KCNT2: variants seen among roughly 807,000 people sequenced by gnomAD.
The protein encoded by KCNT2 is potassium sodium-activated channel subfamily T member 2, also known as potassium channel subfamily T member 2.
Under a neutral mutation model 153.8 loss-of-function variants are expected in KCNT2, and 67 were observed. The observed-to-expected ratio is 0.44, with a 90% CI of 0.36 to 0.53. The LOEUF (loss-of-function observed/expected upper bound fraction) is 0.53, where lower values mean the gene tolerates loss of function less well. Ranked by LOEUF, KCNT2 falls within the 20% of genes least tolerant of loss-of-function variation. KCNT2 has a pLI of 0.00. For missense variants in KCNT2, 975 were observed against 1,354.8 expected (o/e 0.72, Z 4.40); for synonymous variants, 500 against 458.8 (o/e 1.09, Z -1.15).
rs749770012 is a variant in KCNT2 at position 196,340,379 on chromosome 1, G to A, written c.1745C>T (p.Pro582Leu). Reference protein sequence around the residue: ...SNVSRSFYHGPSRLPVHSIIA... With the variant: ...SNVSRSFYHGLSRLPVHSIIA... ...TATGCTATGTACAGGTAATCTGGAA[G>A]GTCCATGATAAAACGACCTGGACAC... is the stretch of plus-strand genomic sequence containing the variant. Residue 582 changes from proline to leucine, a missense_variant, in exon 16 of 28, where the codon CCT (proline) becomes CTT (leucine). Physicochemically the swap from Pro to Leu is moderately conservative, Grantham distance 98 (BLOSUM62 -3). Around this residue, in one of 6 missense-constraint regions of KCNT2, gnomAD observed 325 missense variants for 388.1 expected, o/e 0.84. Coordinates refer to ENST00000294725, the MANE Select transcript of KCNT2 (RefSeq NM_198503.5). The A allele has an allele frequency of 8.1e-6, 13 of 1,610,718 alleles. No individual in the cohort carries two copies. In the South Asian group the frequency reaches 1.1e-4, roughly 14 times the overall value.
At chr1:196,515,675 C>T (rs1252626206) in intron 1 of KCNT2, among the ~76,000 whole-genome samples, 1 of 152,130 alleles carries the variant, frequency 6.6e-6, no homozygotes, top group East Asian at 1.9e-4. Context: ...TACTGTGTGC[C>T]ACTCTTATGG....
intron 18 of KCNT2, 97 bp downstream of exon 18, chr1:196,331,059 T>C (rs1348824897): frequency 2.7e-6 from 2 of 729,768 alleles, no homozygotes; most frequent in Non-Finnish European, 4.9e-6. Context: ...CCCTTAAACA[T>C]ATTGTAATCA....
chr1:196,360,643 A>C (rs1210845776), intron 14 of KCNT2, among the ~76,000 whole-genome samples: 1 of 151,260 alleles, frequency 6.6e-6, no homozygotes, highest in Non-Finnish European at 1.5e-5. Context: ...GAAGAAGAGG[A>C]AATTTGAACA....
intron 14 of KCNT2, among the ~76,000 whole-genome samples, chr1:196,343,945 A>T (rs532768821): frequency 2.6e-4 from 39 of 152,156 alleles, no homozygotes; most frequent in Middle Eastern, 3.4e-3. Context: ...ATGCCCAGCT[A>T]ATTTTTGTAT....
At chr1:196,475,063 C>G (rs532851954) in intron 5 of KCNT2, among the ~76,000 whole-genome samples, 3 of 152,162 alleles carry the variant, frequency 2.0e-5, no homozygotes, top group Admixed American at 6.5e-5. Flanking sequence ...TTTAGAATGT[C>G]TAATTTCAAG....
intron 22 of KCNT2, among the ~76,000 whole-genome samples, chr1:196,292,763 G>T (rs1660308469): frequency 7.2e-6 from 1 of 138,538 alleles, no homozygotes; most frequent in Non-Finnish European, 1.5e-5. Context: ...AGCGAGTGGA[G>T]ATTGCGCCAC....
At chr1:196,555,197 T>C (rs1658479961) in intron 1 of KCNT2, among the ~76,000 whole-genome samples, 2 of 151,252 alleles carry the variant, frequency 1.3e-5, no homozygotes, top group Admixed American at 1.3e-4. Flanking sequence ...AGAAATCACA[T>C]TATCCTTATT....
intron 1 of KCNT2, among the ~76,000 whole-genome samples, chr1:196,499,481 A>T (rs1458863341): frequency 2.0e-5 from 3 of 152,240 alleles, no homozygotes; most frequent in Non-Finnish European, 4.4e-5. Flanking sequence ...AAAGATTAAG[A>T]GATAAATTCC....
At chr1:196,560,118 C>G (rs933608583) in intron 1 of KCNT2, among the ~76,000 whole-genome samples, 8 of 151,718 alleles carry the variant, frequency 5.3e-5, no homozygotes, top group East Asian at 3.9e-4. Context: ...TGCTTTGCAT[C>G]CAGAGGAACT....
intron 12 of KCNT2, among the ~76,000 whole-genome samples, chr1:196,420,803 G>A (rs923773404): frequency 3.3e-5 from 5 of 151,900 alleles, no homozygotes; most frequent in African/African-American, 1.2e-4. Context: ...CTTAATTTTA[G>A]CATGGTGCCT....
chr1:196,283,852 T>A (rs892082710), intron 23 of KCNT2, among the ~76,000 whole-genome samples: 7 of 152,080 alleles, frequency 4.6e-5, no homozygotes, highest in Non-Finnish European at 1.0e-4. Flanking sequence ...GTTAATATTT[T>A]GTTTCAGTTA....
intron 13 of KCNT2, among the ~76,000 whole-genome samples, chr1:196,378,128 G>C (rs1023535158): frequency 6.6e-6 from 1 of 152,104 alleles, no homozygotes; most frequent in Non-Finnish European, 1.5e-5. Flanking sequence ...GAATTACTCC[G>C]TAAAGAGAAG....
intron 1 of KCNT2, among the ~76,000 whole-genome samples, chr1:196,533,795 C>T (rs986044203): frequency 4.0e-5 from 6 of 151,868 alleles, no homozygotes; most frequent in Admixed American, 2.6e-4. Context: ...CCAGAAGAAG[C>T]AGAAAATAAA....
chr1:196,256,670 T>C (rs907910656), intron 26 of KCNT2, among the ~76,000 whole-genome samples: 2 of 151,096 alleles, frequency 1.3e-5, no homozygotes, highest in African/African-American at 4.8e-5. Context: ...AAGCACCATT[T>C]TCCTCAAGTT....
At chr1:196,400,819 C>T (rs1332391351) in intron 12 of KCNT2, among the ~76,000 whole-genome samples, 1 of 151,586 alleles carries the variant, frequency 6.6e-6, no homozygotes, top group Non-Finnish European at 1.5e-5. Context: ...ATACAAAGGC[C>T]CTAGTAAACG....
intron 26 of KCNT2, chr1:196,257,358 G>A (rs528486619): frequency 6.0e-5 from 59 of 978,886 alleles, no homozygotes; most frequent in Non-Finnish European, 7.0e-5. Flanking sequence ...CTCATGTTGA[G>A]ATTTCAATAA....
At chr1:196,515,634 C>T (rs1681986564) in intron 1 of KCNT2, among the ~76,000 whole-genome samples, 1 of 152,116 alleles carries the variant, frequency 6.6e-6, no homozygotes, top group Non-Finnish European at 1.5e-5. Context: ...ACAACGACAA[C>T]AATAAGAGTA....
chr1:196,233,550 T>C lies in KCNT2; in HGVS notation c.3296+2436A>G, dbSNP rs569301838. On this transcript the variant is annotated intron_variant, in intron 27 of 27. Coordinates refer to ENST00000294725, the MANE Select transcript of KCNT2 (RefSeq NM_198503.5). ...CCTTTTTCAGCTGGAAGATAAAAAA[T>C]ATTTTTTCTACAGAAAACTAGCTTA... Among the ~76,000 whole-genome samples, 9 of 151,574 alleles carry C rather than the reference T, an allele frequency of 5.9e-5. No individual in the cohort carries two copies. In the South Asian group the frequency reaches 1.9e-3, roughly 31 times the overall value.
intron 1 of KCNT2, among the ~76,000 whole-genome samples, chr1:196,524,352 G>C (rs547547792): frequency 6.6e-6 from 1 of 150,500 alleles, no homozygotes. Context: ...AAAGGTCCAC[G>C]GACTGAGAAT....
Sources: gnomAD v4.1 joint callset for allele counts (sites outside exome capture counted in the v4.1 genomes callset) on GRCh38, gnomAD v4.1.1 for gene constraint, gnomAD v4.1.1 regional missense constraint, MANE v1.5 for transcripts, NCBI Gene and HGNC (gene_info 2026-07-23, HGNC 2026-07-21) for gene names.